The following GNAQ variants were observed in gnomAD, a reference collection of about 807,000 sequenced individuals.
The protein encoded by GNAQ is guanine nucleotide-binding protein G(q) subunit alpha.
GNAQ carries 8 observed loss-of-function variants against 43.9 expected under a neutral mutation model. The observed-to-expected ratio is 0.18, with a 90% CI of 0.11 to 0.33. The LOEUF (loss-of-function observed/expected upper bound fraction) is 0.33. Ranked by LOEUF, GNAQ falls within the 10% of genes least tolerant of loss-of-function variation. The probability of loss-of-function intolerance (pLI) is 1.00; values close to 1 mark genes in which losing one functional copy is unlikely to be tolerated. For synonymous variants in GNAQ, 155 were observed against 170.7 expected, an observed-to-expected ratio of 0.91 and a Z score of 0.71; for missense variants, 158 against 450.8, an observed-to-expected ratio of 0.35 and a Z score of 5.88.
At chr9:77,831,277 T>C (rs1416981890) in intron 2 of GNAQ, among the ~76,000 whole-genome samples, 3 of 152,178 alleles carry the variant, frequency 2.0e-5, no homozygotes, top group Non-Finnish European at 4.4e-5. Context: ...TTTCATCACA[T>C]AGAATTTTAA....
At chr9:77,863,802 A>C (rs1827900942) in intron 2 of GNAQ, among the ~76,000 whole-genome samples, 1 of 152,156 alleles carries the variant, frequency 6.6e-6, no homozygotes, top group South Asian at 2.1e-4. Flanking sequence ...GCAAAGAGAG[A>C]GCTTGTGCAG....
Position 78,031,082 on chromosome 9 carries a change from GC to G in GNAQ, c.136+17del. ...GCTGGGGGCGCAGAGGCCCGGCGGG[GC>G]CCCGGACGGTACTCACCGAGCAGCA... is the stretch of plus-strand genomic sequence containing the variant. On this transcript the variant is annotated intron_variant, in intron 1 of 6. Transcript: ENST00000286548. The G allele has an allele frequency of 6.8e-7, 1 of 1,474,334 alleles. No individual in the cohort carries two copies. The allele number at this position is 1,474,334 out of a possible 1,614,324, so 91.3% of individuals were successfully genotyped here.
At chr9:77,789,958 G>A (rs1278357034) in intron 5 of GNAQ, among the ~76,000 whole-genome samples, 2 of 151,598 alleles carry the variant, frequency 1.3e-5, no homozygotes. Flanking sequence ...AATAATGAGG[G>A]AAGAAAAAAA....
intron 1 of GNAQ, among the ~76,000 whole-genome samples, chr9:77,982,131 A>G (rs1823375963): frequency 6.6e-6 from 1 of 152,180 alleles, no homozygotes; most frequent in Non-Finnish European, 1.5e-5. Flanking sequence ...TATGACTACC[A>G]TTACTGGTAA....
At chr9:77,790,054 G>A (rs1345719335) in intron 5 of GNAQ, among the ~76,000 whole-genome samples, 1 of 152,108 alleles carries the variant, frequency 6.6e-6, no homozygotes, top group East Asian at 1.9e-4. Context: ...AGAGGAAAGA[G>A]GTTAAATATT....
chr9:77,877,903 A>G (rs959879760), intron 2 of GNAQ, among the ~76,000 whole-genome samples: 4 of 152,144 alleles, frequency 2.6e-5, no homozygotes, highest in Admixed American at 6.6e-5. Flanking sequence ...CGAATGCCCA[A>G]TGCATTTTCA....
At chr9:77,828,560 T>C (rs778925238) in intron 2 of GNAQ, among the ~76,000 whole-genome samples, 1 of 152,228 alleles carries the variant, frequency 6.6e-6, no homozygotes, top group Non-Finnish European at 1.5e-5. Flanking sequence ...TAACTGATCA[T>C]GTTTTGTACA....
chr9:77,823,956 T>A (rs1159594344), intron 2 of GNAQ, among the ~76,000 whole-genome samples: 5 of 152,110 alleles, frequency 3.3e-5, no homozygotes, highest in Non-Finnish European at 7.4e-5. Flanking sequence ...CATTAAAAAA[T>A]TTTTCAAAAT....
intron 3 of GNAQ, among the ~76,000 whole-genome samples, chr9:77,801,611 G>C (rs1221857234): frequency 1.3e-5 from 2 of 152,164 alleles, no homozygotes; most frequent in Non-Finnish European, 2.9e-5. Flanking sequence ...GGCTCACTTT[G>C]CTTGGGGTGA....
At chr9:78,017,331 A>T (rs79497286) in intron 1 of GNAQ, among the ~76,000 whole-genome samples, 1 of 152,246 alleles carries the variant, frequency 6.6e-6, no homozygotes, top group Non-Finnish European at 1.5e-5. Flanking sequence ...AACTAGCTGC[A>T]TCACAGCACT....
chr9:77,830,878 T>G (rs1162653669), intron 2 of GNAQ, among the ~76,000 whole-genome samples: 1 of 152,090 alleles, frequency 6.6e-6, no homozygotes, highest in African/African-American at 2.4e-5. Context: ...ATGTGTGAAC[T>G]TGTAAAACTT....
At chr9:77,751,134 C>T (rs1196153496) in intron 5 of GNAQ, among the ~76,000 whole-genome samples, 1 of 152,208 alleles carries the variant, frequency 6.6e-6, no homozygotes, top group Non-Finnish European at 1.5e-5. Context: ...AAGGTGATTA[C>T]AAGAGCTATC....
At chr9:77,817,496 T>A (rs1278378160) in intron 2 of GNAQ, among the ~76,000 whole-genome samples, 2 of 152,178 alleles carry the variant, frequency 1.3e-5, no homozygotes, top group African/African-American at 2.4e-5. Flanking sequence ...TAATTCTGGC[T>A]TTACCCATAA....
At chr9:77,753,353 G>A (rs1374705440) in intron 5 of GNAQ, among the ~76,000 whole-genome samples, 1 of 152,118 alleles carries the variant, frequency 6.6e-6, no homozygotes, top group Non-Finnish European at 1.5e-5. Flanking sequence ...TGAAATAGCT[G>A]CAGAAGGCAC....
chr9:77,783,284 T>C (rs1249953574), intron 5 of GNAQ, among the ~76,000 whole-genome samples: 1 of 152,190 alleles, frequency 6.6e-6, no homozygotes, highest in East Asian at 1.9e-4. Flanking sequence ...AATCTTGCTG[T>C]GAACCTAAAA....
At chr9:78,005,815 T>C (rs572211623) in intron 1 of GNAQ, among the ~76,000 whole-genome samples, 91 of 152,278 alleles carry the variant, frequency 6.0e-4, no homozygotes, top group African/African-American at 2.0e-3. Flanking sequence ...ATGATTCACC[T>C]GGAAGACTCG....
chr9:77,881,239 C>A (rs1009951109), intron 2 of GNAQ, among the ~76,000 whole-genome samples: 1 of 152,246 alleles, frequency 6.6e-6, no homozygotes, highest in Non-Finnish European at 1.5e-5. Context: ...CACAGACACA[C>A]ATTACAATGT....
intron 2 of GNAQ, among the ~76,000 whole-genome samples, chr9:77,857,791 T>C (rs1039778476): frequency 6.6e-6 from 1 of 151,976 alleles, no homozygotes; most frequent in East Asian, 1.9e-4. Flanking sequence ...CTCTTTTTTT[T>C]TTCAAGGCCA....
intron 2 of GNAQ, among the ~76,000 whole-genome samples, chr9:77,901,510 C>T (rs1226429840): frequency 6.6e-6 from 1 of 152,180 alleles, no homozygotes; most frequent in East Asian, 1.9e-4. Context: ...CATCACCTGG[C>T]AGAGCCGTCC....
Sources: gnomAD v4.1 joint callset for allele counts (sites outside exome capture counted in the v4.1 genomes callset) on GRCh38, gnomAD v4.1.1 for gene constraint, MANE v1.5 for transcripts, NCBI Gene and HGNC (gene_info 2026-07-23, HGNC 2026-07-21) for gene names.